PFKFB2: variants seen among roughly 807,000 people sequenced by gnomAD.
PFKFB2 encodes the protein 6-phosphofructo-2-kinase/fructose-2,6-biphosphatase 2.
A neutral mutation model predicts 68.0 loss-of-function variants in PFKFB2; 53 were observed. That is an observed-to-expected ratio of 0.78 (90% CI 0.63 to 0.98). The LOEUF is 0.98. PFKFB2 is among the 50% of genes least tolerant of loss of function. PFKFB2 has a pLI of 0.00. For missense variants in PFKFB2, 451 were observed against 642.0 expected, an observed-to-expected ratio of 0.70 and a Z score of 3.22; for synonymous variants, 222 against 227.6, an observed-to-expected ratio of 0.98 and a Z score of 0.22.
At chr1:207,048,993 A>C, upstream of PFKFB2, 1 of 1,593,638 alleles carries the variant, frequency 6.3e-7, no homozygotes, top group Non-Finnish European at 8.6e-7. Flanking sequence ...GTGAGGTAGT[A>C]GGCTTCAACC....
At chr1:207,052,455 A>G (rs907608263), upstream of PFKFB2, 35 of 463,660 alleles carry the variant, frequency 7.5e-5, no homozygotes, top group South Asian at 8.2e-4. Context: ...CGAGGTCAGA[A>G]GTTCGAGACC....
chr1:207,043,132 G>A lies in PFKFB2; in HGVS notation c.-18+920G>A, dbSNP rs140961819. 1.2e-3 allele frequency among the ~76,000 whole-genome samples: 180 copies of A among 151,862 alleles called. 2 individuals are homozygous for A. In the Middle Eastern group the frequency reaches 0.024, roughly 20 times the overall value. On this transcript the variant is annotated intron_variant, in intron 2 of 5. Coordinates refer to the PFKFB2 transcript ENST00000545806. Reference sequence around the variant, plus strand: ...TTCTGAGCACTTGCATTTCTAACAAGTTCCCAGGTAATGTGATGACCAACT... The same window carrying A: ...TTCTGAGCACTTGCATTTCTAACAAATTCCCAGGTAATGTGATGACCAACT...
chr1:207,075,642 A>T lies in PFKFB2; in HGVS notation c.*3271A>T. ...CATTAGCATTTAATCTACTGGAATA[A>T]GCTGGTTGCTGTGGCTTATACCTGT... On this transcript the variant is annotated 3_prime_UTR_variant, in exon 15 of 15. Coordinates refer to ENST00000367080, the MANE Select transcript of PFKFB2 (RefSeq NM_006212.2). 2.0e-6 allele frequency: 2 copies of T among 984,938 alleles called. No individual in the cohort carries two copies. Among genetic ancestry groups the T allele is most frequent in the Non-Finnish European group, 2.4e-6 (2 of 829,458 alleles). 61.0% of individuals were successfully genotyped at this position (984,938 alleles called of 1,614,324 possible).
intron 2 of PFKFB2, chr1:207,046,568 TAA>T (rs1682604489): frequency 6.6e-6 from 1 of 152,052 alleles, no homozygotes; most frequent in Admixed American, 6.6e-5. Flanking sequence ...TTCAGCAGAC[TAA>T]AGAGTCATTT....
chr1:207,054,986 C>T lies in PFKFB2; in HGVS notation c.85+184C>T, dbSNP rs111917867. ...AAGTAGACTTAGTGAAATGTCTGTT[C>T]TTGGGGCTTGACTACTGGTGTAGTC... On this transcript the variant is annotated intron_variant, in intron 2 of 14. Transcript: ENST00000367080. 4.2e-3 allele frequency: 2,324 copies of T among 550,454 alleles called. 8 individuals carry two copies. Among genetic ancestry groups the T allele is most frequent in the Non-Finnish European group, 6.6e-3 (2,031 of 306,134 alleles). The allele number at this position is 550,454 out of a possible 1,614,324, so 34.1% of individuals were successfully genotyped here.
At position 207,077,568 on chromosome 1, in the gene PFKFB2, ACC is replaced by A. The variant is rs1683663703; in HGVS notation, c.*5198_*5199del. 1 of 985,608 alleles carries A rather than the reference ACC, an allele frequency of 1.0e-6. No individual in the cohort carries two copies. Among genetic ancestry groups the A allele is most frequent in the African/African-American group, 1.7e-5 (1 of 57,182 alleles). The allele number at this position is 985,608 out of a possible 1,614,324, so 61.1% of individuals were successfully genotyped here. On this transcript the variant is annotated 3_prime_UTR_variant, in exon 15 of 15. Transcript: ENST00000367080. ...GAAGGGGGATGGTGTGGGGCTGAGCACCTCTGGGTTGAATGGGAATGGGTCAG... is the reference window on the plus strand; with the variant it reads ...GAAGGGGGATGGTGTGGGGCTGAGCATCTGGGTTGAATGGGAATGGGTCAG...
Position 207,075,417 on chromosome 1 carries a change from AAAAGAGCTCTTACTCC to A in PFKFB2, c.*3050_*3065del, listed in dbSNP as rs1389158757. 6 of 985,326 alleles carry A rather than the reference AAAAGAGCTCTTACTCC, an allele frequency of 6.1e-6. No individual in the cohort carries two copies. The East Asian group carries it at 3.4e-4, about 56-fold the overall frequency. The allele number at this position is 985,326 out of a possible 1,614,324, so 61.0% of individuals were successfully genotyped here. On this transcript the variant is annotated 3_prime_UTR_variant, in exon 15 of 15. Coordinates refer to ENST00000367080, the MANE Select transcript of PFKFB2 (RefSeq NM_006212.2). Reference sequence around the variant, plus strand: ...AAGAAGCCAGGAGAATGTAGAATGGAAAAGAGCTCTTACTCCAAATTTTAGAGAAGTTTCAGCTCTA... The same window carrying A: ...AAGAAGCCAGGAGAATGTAGAATGGAAAATTTTAGAGAAGTTTCAGCTCTA...
downstream of PFKFB2, chr1:207,079,330 T>A (rs1016612865): frequency 4.9e-6 from 2 of 409,296 alleles, no homozygotes; most frequent in Admixed American, 4.0e-5. Context: ...TTTAACATCC[T>A]ACCTGTGACT....
upstream of PFKFB2, chr1:207,049,775 G>A (rs1388112912): frequency 9.9e-6 from 15 of 1,514,700 alleles, no homozygotes; most frequent in Non-Finnish European, 1.1e-5. Context: ...AGAAGAAACC[G>A]AGTGTTCTCT....
chr1:207,043,766 G>A (rs1682524815), intron 2 of PFKFB2: 1 of 152,520 alleles, frequency 6.6e-6, no homozygotes, highest in African/African-American at 2.4e-5. Flanking sequence ...TTAAAGATTC[G>A]GTAAGCTTTT....
At chr1:207,058,733 G>A (rs1683001750) in intron 2 of PFKFB2, among the ~76,000 whole-genome samples, 1 of 152,092 alleles carries the variant, frequency 6.6e-6, no homozygotes, top group African/African-American at 2.4e-5. Context: ...GGGTTCAGGC[G>A]ATCCACCCAA....
At chr1:207,058,132 C>T (rs1000951838) in intron 2 of PFKFB2, among the ~76,000 whole-genome samples, 1 of 152,196 alleles carries the variant, frequency 6.6e-6, no homozygotes, top group African/African-American at 2.4e-5. Context: ...TTAACTGAAA[C>T]ATCAGCTTTC....
chr1:207,037,273 C>T (rs1480492867), intron 1 of PFKFB2, among the ~76,000 whole-genome samples: 1 of 152,180 alleles, frequency 6.6e-6, no homozygotes, highest in Admixed American at 6.5e-5. Context: ...AATTCCATGA[C>T]ATAAAGTTCT....
intron 11 of PFKFB2, among the ~76,000 whole-genome samples, chr1:207,069,816 G>T (rs1045862062): frequency 6.6e-6 from 1 of 152,094 alleles, no homozygotes; most frequent in Non-Finnish European, 1.5e-5. Flanking sequence ...CCCCACATAA[G>T]TAAGTGGAGT....
Position 207,063,168 on chromosome 1 carries a change from G to T in PFKFB2, c.334G>T (p.Asp112Tyr). Residue 112 changes from aspartate (D) to tyrosine (Y), a missense_variant, in exon 5 of 15, where the codon GAT (aspartate) becomes TAT (tyrosine). Coordinates refer to ENST00000367080, the MANE Select transcript of PFKFB2 (RefSeq NM_006212.2). The surrounding 1 kb of genome is among the most constrained non-coding windows in gnomAD (Gnocchi z 4.1). ...ACAGTGTGCTCTGGTGGCGCTGGAA[G>T]ATGTTAAGGCGTATCTCACTGAGGA... The part of the protein sequence containing the change: ...RKQCALVALE[D>Y]VKAYLTEENG... 1 of 1,614,144 alleles carries T rather than the reference G, an allele frequency of 6.2e-7. No homozygotes were observed.
chr1:207,075,023 A>G lies in PFKFB2; in HGVS notation c.*2652A>G, dbSNP rs530312205. On this transcript the variant is annotated 3_prime_UTR_variant, in exon 15 of 15. Transcript: ENST00000367080. The stretch of plus-strand genomic sequence containing the variant: ...GGTGGCATCTGTAGCCCAAATGGGC[A>G]TTCAGTCTTTTCTTCTGCTGTGAGG... 1.0e-6 allele frequency: 1 copy of G among 985,492 alleles called. No homozygotes were observed. Among genetic ancestry groups the G allele is most frequent in the East Asian group, 1.1e-4 (1 of 8,814 alleles). 61.0% of individuals were successfully genotyped at this position (985,492 alleles called of 1,614,324 possible). A position where few individuals can be genotyped will look rare whatever the true frequency, so the allele number is the denominator to read the frequency against.
upstream of PFKFB2, among the ~76,000 whole-genome samples, chr1:207,050,265 G>C (rs74863032): frequency 1.1e-4 from 16 of 152,044 alleles, no homozygotes; most frequent in African/African-American, 3.6e-4. Flanking sequence ...CCTGTCAAAC[G>C]AAGTATCTAC....
intron 2 of PFKFB2, among the ~76,000 whole-genome samples, chr1:207,058,589 AT>A (rs34671041): frequency 5.2e-4 from 79 of 152,132 alleles, no homozygotes; most frequent in Admixed American, 2.1e-3. Context: ...TCAAGTCCTC[AT>A]TTTTTTTGTA....
At chr1:207,051,026 A>C (rs1003314898), upstream of PFKFB2, 16 of 1,505,386 alleles carry the variant, frequency 1.1e-5, no homozygotes, top group African/African-American at 1.8e-4. Flanking sequence ...AGCGGGGCCA[A>C]ACATCGCGAG....
Sources: gnomAD v4.1 joint callset for allele counts (sites outside exome capture counted in the v4.1 genomes callset) on GRCh38, gnomAD v4.1.1 for gene constraint, Gnocchi (gnomAD v3.1) non-coding constraint, MANE v1.5 for transcripts, NCBI Gene and HGNC (gene_info 2026-07-23, HGNC 2026-07-21) for gene names.